OTUD7B: variants seen among roughly 807,000 people sequenced by gnomAD.
OTUD7B encodes the protein OTU deubiquitinase 7B.
In OTUD7B, 34 loss-of-function variants were observed where a neutral mutation model predicts 82.2. That is an observed-to-expected ratio of 0.41 (90% CI 0.31 to 0.55). OTUD7B has a LOEUF of 0.55. Ranked by LOEUF, OTUD7B falls within the 20% of genes least tolerant of loss-of-function variation. The pLI is 0.20. For missense variants in OTUD7B, 944 were observed against 1,062.1 expected (o/e 0.89, Z 1.55); for synonymous variants, 398 against 402.7 (o/e 0.99, Z 0.14).
chr1:150,033,901 T>C, the OTUD7B span, among the ~76,000 whole-genome samples: 2 of 152,140 alleles, frequency 1.3e-5, no homozygotes, highest in African/African-American at 4.8e-5. Context: ...TTTGTATTTT[T>C]AGTAGAGACC....
intron 1 of OTUD7B, among the ~76,000 whole-genome samples, chr1:149,980,551 T>C (rs2101868741): frequency 6.6e-6 from 1 of 151,568 alleles, no homozygotes; most frequent in Admixed American, 6.6e-5. Flanking sequence ...TGAAACCCTG[T>C]CTCTACTAAA....
At chr1:149,945,146 A>G (rs1169794505) in intron 11 of OTUD7B, 81 bp from the exon 12 acceptor site, 4 of 1,515,708 alleles carry the variant, frequency 2.6e-6, no homozygotes, top group African/African-American at 1.4e-5. Flanking sequence ...TAGCCCATCC[A>G]TCTGGCTCAG....
At chr1:150,014,088 A>G (rs201535328), upstream of OTUD7B, among the ~76,000 whole-genome samples, 37 of 8,792 alleles carry the variant, frequency 4.2e-3, no homozygotes, top group South Asian at 0.019. Flanking sequence ...GTGTGTGTAT[A>G]TATATATATA....
intron 3 of OTUD7B, among the ~76,000 whole-genome samples, chr1:149,968,280 ACAAT>A (rs1447101317): frequency 2.1e-5 from 3 of 145,938 alleles, no homozygotes; most frequent in Non-Finnish European, 3.0e-5. Flanking sequence ...AAAAAAAAAG[ACAAT>A]CAACAACAAA....
chr1:150,012,074 TACAA>T (rs1653095808), upstream of OTUD7B, among the ~76,000 whole-genome samples: 1 of 152,188 alleles, frequency 6.6e-6, no homozygotes, highest in African/African-American at 2.4e-5. Context: ...ATCCAAGACA[TACAA>T]TAGAGGTTGA....
intron 1 of OTUD7B, among the ~76,000 whole-genome samples, chr1:149,983,292 G>A (rs1571689577): frequency 6.6e-6 from 1 of 152,038 alleles, no homozygotes; most frequent in Non-Finnish European, 1.5e-5. Context: ...CAGTGAACTA[G>A]ACACAATCCC....
At chr1:149,980,670 C>A (rs1650654617) in intron 1 of OTUD7B, among the ~76,000 whole-genome samples, 1 of 150,878 alleles carries the variant, frequency 6.6e-6, no homozygotes, top group African/African-American at 2.4e-5. Context: ...TGAGATGGCA[C>A]CACTGCACTC....
chr1:150,028,151 A>G, the OTUD7B span, among the ~76,000 whole-genome samples: 1 of 152,248 alleles, frequency 6.6e-6, no homozygotes, highest in Non-Finnish European at 1.5e-5. Context: ...AACAGGTTTG[A>G]CAAGGCTCTA....
intron 2 of OTUD7B, among the ~76,000 whole-genome samples, chr1:149,976,805 G>C (rs1398095447): frequency 1.3e-5 from 2 of 151,818 alleles, no homozygotes; most frequent in Non-Finnish European, 2.9e-5. Context: ...TCTATATAAA[G>C]AGGAAGTCTT....
At chr1:149,954,371 C>A (rs1160038805) in intron 7 of OTUD7B, among the ~76,000 whole-genome samples, 1 of 152,142 alleles carries the variant, frequency 6.6e-6, no homozygotes, top group South Asian at 2.1e-4. Context: ...GTATGTTGAA[C>A]CAGCCTTGCC....
intron 6 of OTUD7B, 83 bp from the exon 7 acceptor site, chr1:149,959,879 TA>T: frequency 1.2e-6 from 1 of 842,074 alleles, no homozygotes; most frequent in Non-Finnish European, 2.1e-6. Flanking sequence ...TATTCACTGT[TA>T]CTTACTCCCT....
At chr1:150,016,429 A>G in the OTUD7B span, among the ~76,000 whole-genome samples, 1 of 147,624 alleles carries the variant, frequency 6.8e-6, no homozygotes, top group Non-Finnish European at 1.5e-5. Context: ...AACATTTACT[A>G]ATTTTCTTTC....
the OTUD7B span, among the ~76,000 whole-genome samples, chr1:150,027,216 T>C: frequency 6.6e-6 from 1 of 152,310 alleles, no homozygotes; most frequent in South Asian, 2.1e-4. Context: ...ATTATAGCAC[T>C]ATCTCTAACT....
intron 1 of OTUD7B, among the ~76,000 whole-genome samples, chr1:150,004,267 A>T (rs1553785606): frequency 1.3e-5 from 2 of 152,108 alleles, no homozygotes; most frequent in African/African-American, 4.8e-5. Flanking sequence ...TACCATTTAA[A>T]ATATAAAGTT....
Position 149,971,232 on chromosome 1 carries a change from A to G in OTUD7B, c.105T>C (p.Asn35=). 3 of 1,611,378 alleles carry G rather than the reference A, an allele frequency of 1.9e-6. No individual in the cohort carries two copies. The highest frequency in any genetic ancestry group is 2.5e-6 in the Non-Finnish European group (3 of 1,177,784). The change falls in exon 3 of 12, where the codon AAT becomes AAC. Residue 35 remains asparagine, a synonymous_variant. Transcript: ENST00000581312. ...DLLEGKNWDV[N]AALSDFEQLR... ...GCTGTTCAAAATCACTGAGGGCGGCATTCACATCCCAATTCTTTCCTGTCA... is the reference window on the plus strand; with the variant it reads ...GCTGTTCAAAATCACTGAGGGCGGCGTTCACATCCCAATTCTTTCCTGTCA...
chr1:149,950,924 C>T (rs112182309), intron 7 of OTUD7B, among the ~76,000 whole-genome samples: 2,390 of 144,482 alleles, frequency 0.017, 87 homozygotes, highest in African/African-American at 0.055. Context: ...CCCGAGTAGC[C>T]GGGACTACAG....
intron 3 of OTUD7B, among the ~76,000 whole-genome samples, chr1:149,969,348 T>TA (rs1227773964): frequency 6.6e-6 from 1 of 152,078 alleles, no homozygotes; most frequent in African/African-American, 2.4e-5. Context: ...GTGCCTATGG[T>TA]AAAAAATCAA....
the OTUD7B span, among the ~76,000 whole-genome samples, chr1:150,038,537 C>A: frequency 6.6e-6 from 1 of 151,960 alleles, no homozygotes; most frequent in African/African-American, 2.4e-5. Context: ...CAGGCACACA[C>A]CGCCACACCT....
intron 1 of OTUD7B, among the ~76,000 whole-genome samples, chr1:149,982,175 T>TA (rs138097207): frequency 0.1 from 14,667 of 144,378 alleles, 983 homozygotes; most frequent in African/African-American, 0.22. Context: ...TAAATAAATA[T>TA]AAAAAATAAA....
Sources: gnomAD v4.1 joint callset for allele counts (sites outside exome capture counted in the v4.1 genomes callset) on GRCh38, gnomAD v4.1.1 for gene constraint, MANE v1.5 for transcripts, NCBI Gene and HGNC (gene_info 2026-07-23, HGNC 2026-07-21) for gene names.